The following ADGRE1 variants were observed in gnomAD, a reference collection of about 807,000 sequenced individuals.
ADGRE1 encodes the protein adhesion G protein-coupled receptor E1, also known as EGF-like module receptor 1.
In ADGRE1, 82 loss-of-function variants were observed where a neutral mutation model predicts 102.7. The observed-to-expected ratio is 0.80, with a 90% CI of 0.67 to 0.96. The LOEUF (loss-of-function observed/expected upper bound fraction) is 0.96. Ranked by LOEUF, ADGRE1 falls within the 40% of genes least tolerant of loss-of-function variation. The probability of loss-of-function intolerance (pLI) is 0.00; values close to 1 mark genes in which losing one functional copy is unlikely to be tolerated. For synonymous variants in ADGRE1, 398 were observed against 399.6 expected (o/e 1.00, Z 0.05); for missense variants, 1,032 against 1,085.3 (o/e 0.95, Z 0.69).
chr19:6,891,133 C>T (rs1397531651), intron 2 of ADGRE1: 1 of 152,182 alleles, frequency 6.6e-6, no homozygotes, highest in Non-Finnish European at 1.5e-5. Flanking sequence ...GATGGTTTCC[C>T]CCATACTGTT....
intron 17 of ADGRE1, 194 bp downstream of exon 17, chr19:6,928,405 C>A: frequency 7.4e-7 from 1 of 1,352,258 alleles, no homozygotes; most frequent in Non-Finnish European, 9.8e-7. Flanking sequence ...GCGGGTGGAT[C>A]ACCTGAGGTC....
At chr19:6,915,776 C>G (rs1167289816) in intron 11 of ADGRE1, among the ~76,000 whole-genome samples, 2 of 151,878 alleles carry the variant, frequency 1.3e-5, no homozygotes, top group Non-Finnish European at 2.9e-5. Context: ...AAAAAATTAG[C>G]TGGGTGTGGT....
At position 6,936,651 on chromosome 19, in the gene ADGRE1, G is replaced by GTC. The variant is rs369620438; in HGVS notation, c.2382-583_2382-582dup. Among the ~76,000 whole-genome samples the GTC allele has an allele frequency of 3.3e-3, 483 of 145,684 alleles. 5 individuals are homozygous for GTC. Among genetic ancestry groups the GTC allele is most frequent in the African/African-American group, 0.011 (437 of 39,468 alleles). On this transcript the variant is annotated intron_variant, in intron 18 of 20. Transcript: ENST00000312053. ...GTTTTTTTTTTTTTTTTGAGACAGA[G>GTC]TCTCTCTCTCGCCCAGGCTAGAGGG... is the stretch of plus-strand genomic sequence containing the variant.
At chr19:6,893,934 A>T (rs1973464177) in intron 2 of ADGRE1, among the ~76,000 whole-genome samples, 1 of 152,164 alleles carries the variant, frequency 6.6e-6, no homozygotes, top group Non-Finnish European at 1.5e-5. Flanking sequence ...AGGGTCAACC[A>T]TGTTTCTTGG....
intron 10 of ADGRE1, among the ~76,000 whole-genome samples, chr19:6,912,075 C>A (rs1045021250): frequency 6.6e-6 from 1 of 151,988 alleles, no homozygotes; most frequent in African/African-American, 2.4e-5. Context: ...AATGTACACA[C>A]ATACACAAAC....
At chr19:6,919,440 CTCTGTGTGTG>C in intron 12 of ADGRE1, 98 bp from the exon 13 acceptor site, 1 of 524,948 alleles carries the variant, frequency 1.9e-6, no homozygotes, top group Non-Finnish European at 3.1e-6. Context: ...CCCTCCCTCC[CTCTGTGTGTG>C]TGTGTGTGTG....
At chr19:6,921,044 G>C (rs1222365773) in intron 13 of ADGRE1, among the ~76,000 whole-genome samples, 4 of 152,128 alleles carry the variant, frequency 2.6e-5, no homozygotes, top group Non-Finnish European at 5.9e-5. Flanking sequence ...CCAGCACTTT[G>C]GGAGGTCTAT....
chr19:6,891,559 T>G (rs1454029323), intron 2 of ADGRE1, among the ~76,000 whole-genome samples: 2 of 151,874 alleles, frequency 1.3e-5, no homozygotes, highest in Non-Finnish European at 1.5e-5. Context: ...GTTCACGCCA[T>G]TCTCCTGCCT....
intron 20 of ADGRE1, among the ~76,000 whole-genome samples, chr19:6,939,097 G>T (rs1358258919): frequency 6.6e-6 from 1 of 151,950 alleles, no homozygotes. Context: ...CGCCCAGCTG[G>T]TCTATTTTCA....
At chr19:6,928,310 G>T in intron 17 of ADGRE1, 99 bp downstream of exon 17, 1 of 1,604,278 alleles carries the variant, frequency 6.2e-7, no homozygotes, top group Non-Finnish European at 8.5e-7. Flanking sequence ...CAGCTGAGAG[G>T]GTCACTTATT....
At chr19:6,904,802 G>A (rs1238938909) in intron 8 of ADGRE1, among the ~76,000 whole-genome samples, 3 of 152,146 alleles carry the variant, frequency 2.0e-5, no homozygotes, top group East Asian at 1.9e-4. Context: ...CACTGCGCCT[G>A]GCCAAAACAT....
chr19:6,926,496 G>T lies in ADGRE1; in HGVS notation c.2117G>T (p.Arg706Leu), dbSNP rs375499219. Reference protein sequence around the residue: ...NLKVVNYFSSRNIKMLHICAF... With the variant: ...NLKVVNYFSSLNIKMLHICAF... The stretch of plus-strand genomic sequence containing the variant: ...AAGGTGGTGAATTACTTCAGCTCTC[G>T]CAACATCAAGATGCTGCACATCTGT... The change falls in exon 16 of 21, where the codon CGC becomes CTC. Residue 706 changes from arginine to leucine, a missense_variant. Arg to Leu is a moderately radical substitution (Grantham distance 102). Coordinates refer to ENST00000312053, the MANE Select transcript of ADGRE1 (RefSeq NM_001974.5). 1 of 1,614,214 alleles carries T rather than the reference G, an allele frequency of 6.2e-7. No individual in the cohort carries two copies. The highest frequency in any genetic ancestry group is 2.2e-5 in the East Asian group (1 of 44,890).
At chr19:6,919,796 C>T (rs748330049) in intron 13 of ADGRE1, 49 bp downstream of exon 13, 1 of 1,568,730 alleles carries the variant, frequency 6.4e-7, no homozygotes, top group Non-Finnish European at 8.8e-7. Flanking sequence ...GTTGGGAACT[C>T]CTCGTCTCTC....
intron 12 of ADGRE1, among the ~76,000 whole-genome samples, chr19:6,918,563 T>A (rs1040890084): frequency 4.6e-5 from 7 of 151,966 alleles, no homozygotes; most frequent in African/African-American, 1.7e-4. Flanking sequence ...ATAGGACGTA[T>A]CCCTGGAGAC....
chr19:6,937,235 C>G lies in ADGRE1; in HGVS notation c.2382-8C>G. 1.2e-6 allele frequency: 2 copies of G among 1,611,610 alleles called. No homozygotes were observed. The highest frequency in any genetic ancestry group is 1.7e-6 in the Non-Finnish European group (2 of 1,178,510). On this transcript the variant is annotated splice_region_variant and splice_polypyrimidine_tract_variant and intron_variant, in intron 18 of 20. Coordinates refer to ENST00000312053, the MANE Select transcript of ADGRE1 (RefSeq NM_001974.5). The stretch of plus-strand genomic sequence containing the variant: ...CAGAGCCTTACATGCTGTACATCTT[C>G]TCCCCAGGTTACTGACCTTCAAGGC...
intron 6 of ADGRE1, 75 bp from the exon 7 acceptor site, chr19:6,903,735 A>G: frequency 1.9e-6 from 3 of 1,581,686 alleles, no homozygotes; most frequent in East Asian, 2.2e-5. Context: ...ACATGACTCC[A>G]TATTTTGCAA....
At chr19:6,914,534 G>T (rs768800737) in intron 11 of ADGRE1, among the ~76,000 whole-genome samples, 4 of 152,090 alleles carry the variant, frequency 2.6e-5, no homozygotes, top group Non-Finnish European at 4.4e-5. Flanking sequence ...CCCCACTCCT[G>T]GTAGTAGTTC....
intron 15 of ADGRE1, 59 bp downstream of exon 15, chr19:6,924,931 C>A: frequency 6.4e-7 from 1 of 1,569,542 alleles, no homozygotes. Flanking sequence ...CCTGCCTCAG[C>A]TCATTCCTAG....
At chr19:6,889,272 T>G (rs943438507) in intron 1 of ADGRE1, among the ~76,000 whole-genome samples, 1 of 151,050 alleles carries the variant, frequency 6.6e-6, no homozygotes, top group Non-Finnish European at 1.5e-5. Flanking sequence ...GTGATGATGG[T>G]GATAATAATG....
Sources: gnomAD v4.1 joint callset for allele counts (sites outside exome capture counted in the v4.1 genomes callset) on GRCh38, gnomAD v4.1.1 for gene constraint, MANE v1.5 for transcripts, NCBI Gene and HGNC (gene_info 2026-07-23, HGNC 2026-07-21) for gene names.